Variants in CATSPER3 observed in about 807,000 individuals in gnomAD.
CATSPER3 encodes cation channel sperm-associated protein 3.
In CATSPER3, 23 loss-of-function variants were observed where a neutral mutation model predicts 36.6. That is an observed-to-expected ratio of 0.63 (90% CI 0.45 to 0.89). The LOEUF (loss-of-function observed/expected upper bound fraction) is 0.89, where lower values mean the gene tolerates loss of function less well. CATSPER3 is among the 40% of genes least tolerant of loss of function. CATSPER3 has a pLI of 0.00. For missense variants in CATSPER3, 474 were observed against 503.9 expected (o/e 0.94, Z 0.57); for synonymous variants, 172 against 184.1 (o/e 0.93, Z 0.53).
chr5:134,968,007 C>T lies in CATSPER3; in HGVS notation c.16C>T (p.His6Tyr), dbSNP rs1370415252. ...AATTTGGAAAATGTCTCAACACCGT[C>T]ACCAGCGCCACTCGAGAGTCATTTC... MSQHR[H>Y]QRHSRVISSS... The change falls in exon 1 of 8, where the codon CAC becomes TAC. Residue 6 changes from histidine to tyrosine, a missense_variant. Physicochemically the swap from His to Tyr is moderately conservative, Grantham distance 83. Transcript: ENST00000282611. 2 of 1,613,938 alleles carry T rather than the reference C, an allele frequency of 1.2e-6. No individual in the cohort carries two copies. Among genetic ancestry groups the T allele is most frequent in the South Asian group, 2.2e-5 (2 of 91,064 alleles).
chr5:134,972,381 A>G (rs1406750332), intron 2 of CATSPER3, among the ~76,000 whole-genome samples: 7 of 152,216 alleles, frequency 4.6e-5, no homozygotes, highest in Admixed American at 2.0e-4. Context: ...AAACAGGGAG[A>G]GACTGTAGCA....
chr5:134,994,685 A>G (rs1028976182), intron 2 of CATSPER3, among the ~76,000 whole-genome samples: 3 of 152,196 alleles, frequency 2.0e-5, no homozygotes, highest in Non-Finnish European at 4.4e-5. Flanking sequence ...TAAAATTCAA[A>G]GTCCTCACCA....
chr5:134,972,841 T>C (rs563075536), intron 2 of CATSPER3, among the ~76,000 whole-genome samples: 1 of 152,160 alleles, frequency 6.6e-6, no homozygotes, highest in South Asian at 2.1e-4. Flanking sequence ...CACCAAAACA[T>C]ATTCTAGTAA....
rs759065227 is a variant in CATSPER3 at position 134,970,083 on chromosome 5, A to G, written c.243A>G (p.Arg81=). The G allele has an allele frequency of 3.1e-6, 5 of 1,613,852 alleles. No individual in the cohort carries two copies. In the South Asian group the frequency reaches 4.4e-5, roughly 14 times the overall value. The stretch of plus-strand genomic sequence containing the variant: ...ATGACATAAGGTACCGCTTGTTCAG[A>G]CTTCTTGAGGTAAGCAGACAAAATG... ...TSYDIRYRLF[R]LLEFSEIFFV... is the part of the protein sequence containing the mutation. Residue 81 remains arginine (R), a synonymous_variant, in exon 2 of 8, where the codon AGA becomes AGG. Coordinates refer to ENST00000282611, the MANE Select transcript of CATSPER3 (RefSeq NM_178019.3).
intron 2 of CATSPER3, among the ~76,000 whole-genome samples, chr5:134,985,225 C>T (rs1266923603): frequency 3.3e-5 from 5 of 152,190 alleles, no homozygotes; most frequent in East Asian, 3.9e-4. Flanking sequence ...TATATATACA[C>T]GATGAAATAC....
At chr5:134,986,824 G>C (rs900465153) in intron 2 of CATSPER3, among the ~76,000 whole-genome samples, 4 of 152,150 alleles carry the variant, frequency 2.6e-5, no homozygotes, top group African/African-American at 9.7e-5. Context: ...GAAAATATAA[G>C]ATGAAAATAA....
chr5:135,003,949 C>T (rs1349186585), intron 3 of CATSPER3, among the ~76,000 whole-genome samples: 1 of 152,240 alleles, frequency 6.6e-6, no homozygotes, highest in Non-Finnish European at 1.5e-5. Context: ...CAGTGGGCTC[C>T]ACCCACTGTC....
chr5:135,001,179 T>C (rs138949919), intron 3 of CATSPER3, among the ~76,000 whole-genome samples: 10 of 152,210 alleles, frequency 6.6e-5, no homozygotes, highest in African/African-American at 2.2e-4. Flanking sequence ...CATTTCGTTA[T>C]GTAGTCATTC....
chr5:134,980,409 C>T, intron 2 of CATSPER3, among the ~76,000 whole-genome samples: 1 of 144,192 alleles, frequency 6.9e-6, no homozygotes, highest in African/African-American at 2.6e-5. Context: ...TCCTTCCTTT[C>T]CTCCTTTCTT....
At position 134,970,043 on chromosome 5, in the gene CATSPER3, C is replaced by A; in HGVS notation, c.203C>A (p.Ala68Asp). The change falls in exon 2 of 8, where the codon GCC (alanine) becomes GAC (aspartate). Residue 68 changes from alanine (A) to aspartate (D), a missense_variant. Physicochemically the swap from Ala to Asp is moderately radical, Grantham distance 126. Transcript: ENST00000282611. Reference sequence around the variant, plus strand: ...GTCACATCGAATGCGTTTTTTATGGCCTTGTGGACCAGTTATGACATAAGG... The same window carrying A: ...GTCACATCGAATGCGTTTTTTATGGACTTGTGGACCAGTTATGACATAAGG... ...STVTSNAFFM[A>D]LWTSYDIRYR... is the part of the protein sequence containing the mutation. 6.2e-7 allele frequency: 1 copy of A among 1,613,972 alleles called. No individual in the cohort carries two copies. The highest frequency in any genetic ancestry group is 8.5e-7 in the Non-Finnish European group (1 of 1,179,944).
At chr5:134,976,948 G>A (rs148517317) in intron 2 of CATSPER3, among the ~76,000 whole-genome samples, 6 of 152,316 alleles carry the variant, frequency 3.9e-5, no homozygotes, top group African/African-American at 1.4e-4. Context: ...AGGATGTGGG[G>A]AGCAGTGTCC....
chr5:134,985,197 TG>T (rs1388493574), intron 2 of CATSPER3, among the ~76,000 whole-genome samples: 3 of 151,882 alleles, frequency 2.0e-5, no homozygotes. Flanking sequence ...AACCAATGAG[TG>T]GATAAAGAAA....
At chr5:134,969,403 G>A (rs1207502028) in intron 1 of CATSPER3, 4 of 162,736 alleles carry the variant, frequency 2.5e-5, no homozygotes, top group Non-Finnish European at 4.0e-5. Context: ...CTCCCTGATT[G>A]GTATTGCTGT....
chr5:134,975,332 G>A (rs747629331), intron 2 of CATSPER3: 3 of 152,196 alleles, frequency 2.0e-5, no homozygotes, highest in Non-Finnish European at 4.4e-5. Context: ...GTGGTAAGTT[G>A]CTAGAGCATT....
intron 2 of CATSPER3, among the ~76,000 whole-genome samples, chr5:134,981,925 T>A (rs1751756839): frequency 6.6e-6 from 1 of 151,884 alleles, no homozygotes; most frequent in African/African-American, 2.4e-5. Flanking sequence ...AGGTCAGGAG[T>A]TGAAGACCAG....
intron 2 of CATSPER3, among the ~76,000 whole-genome samples, chr5:134,977,868 G>A (rs1184709638): frequency 6.6e-6 from 1 of 152,174 alleles, no homozygotes; most frequent in African/African-American, 2.4e-5. Context: ...ACATGGTAGA[G>A]GGCAAAGGGG....
At chr5:134,991,981 G>A (rs1008674522) in intron 2 of CATSPER3, among the ~76,000 whole-genome samples, 4 of 152,098 alleles carry the variant, frequency 2.6e-5, no homozygotes, top group African/African-American at 9.7e-5. Context: ...AATTAGCCAG[G>A]TGTGGTGGCA....
rs1297212471 is a variant in CATSPER3 at position 135,000,082 on chromosome 5, C to CA, written c.492+3571dup. On this transcript the variant is annotated intron_variant, in intron 3 of 7. Coordinates refer to ENST00000282611, the MANE Select transcript of CATSPER3 (RefSeq NM_178019.3). ...GCTCTTATTATTTTGAGATACGTCC[C>CA]ATCAGTACCTAATTTATTGAGAGTT... 2.6e-5 allele frequency among the ~76,000 whole-genome samples: 4 copies of CA among 152,146 alleles called. No individual in the cohort carries two copies. The East Asian group carries it at 7.7e-4, about 29-fold the overall frequency.
At chr5:134,971,469 C>T (rs1285401730) in intron 2 of CATSPER3, among the ~76,000 whole-genome samples, 1 of 152,048 alleles carries the variant, frequency 6.6e-6, no homozygotes, top group Non-Finnish European at 1.5e-5. Flanking sequence ...AAGCCAAGAA[C>T]CCACAGGCAG....
Sources: allele counts gnomAD v4.1 joint callset (sites outside exome capture counted in the v4.1 genomes callset), GRCh38; gene constraint gnomAD v4.1.1; transcripts MANE v1.5; gene names NCBI Gene and HGNC (gene_info 2026-07-23, HGNC 2026-07-21).